Variants in SLC4A8 observed in about 807,000 individuals in gnomAD.
The protein encoded by SLC4A8 is electroneutral sodium bicarbonate exchanger 1.
A neutral mutation model predicts 125.0 loss-of-function variants in SLC4A8; 40 were observed. The ratio of observed to expected loss-of-function variants is 0.32; its 90% CI spans 0.25 to 0.42. The LOEUF is 0.42. SLC4A8 is among the 10% of genes least tolerant of loss of function. The pLI is 1.00. For missense variants in SLC4A8, 863 were observed against 1,355.1 expected, an observed-to-expected ratio of 0.64 and a Z score of 5.70; for synonymous variants, 456 against 476.0, an observed-to-expected ratio of 0.96 and a Z score of 0.55.
At chr12:51,481,835 C>T (rs1951037930) in intron 16 of SLC4A8, among the ~76,000 whole-genome samples, 1 of 151,704 alleles carries the variant, frequency 6.6e-6, no homozygotes, top group Admixed American at 6.6e-5. Flanking sequence ...GATAGTAGTC[C>T]CAGCTACTCA....
intron 1 of SLC4A8, among the ~76,000 whole-genome samples, chr12:51,412,832 G>A (rs1252765868): frequency 1.3e-5 from 2 of 152,180 alleles, no homozygotes; most frequent in Non-Finnish European, 2.9e-5. Context: ...ATCCATTGAT[G>A]GACACTTAGT....
In SLC4A8 at chr12:51,489,915, G is replaced by A; in HGVS notation, c.2664G>A (p.Leu888=). The A allele has an allele frequency of 1.2e-6, 2 of 1,614,206 alleles. No individual in the cohort carries two copies. Among genetic ancestry groups the A allele is most frequent in the Non-Finnish European group, 1.7e-6 (2 of 1,180,036 alleles). ...QRVTGLMIFV[L]MGCSVFMTAI... ...TGACAGGCCTTATGATCTTTGTGCT[G>A]ATGGGCTGCTCAGTCTTCATGACGG... The change falls in exon 19 of 25, where the codon CTG becomes CTA. Residue 888 remains leucine (L), a synonymous_variant. Coordinates refer to ENST00000453097, the MANE Select transcript of SLC4A8 (RefSeq NM_001039960.3).
chr12:51,423,807 G>A (rs1040329567), upstream of SLC4A8, among the ~76,000 whole-genome samples: 3 of 152,044 alleles, frequency 2.0e-5, no homozygotes, highest in African/African-American at 7.2e-5. Flanking sequence ...GCTGAGGCGG[G>A]CAGATCACCT....
chr12:51,491,037 G>A (rs10783447), intron 19 of SLC4A8, among the ~76,000 whole-genome samples: 73,267 of 151,900 alleles, frequency 0.48, 18,014 homozygotes, highest in Non-Finnish European at 0.53. Context: ...ATGTGGAATG[G>A]GGTGAGGAAA....
At chr12:51,501,527 A>G (rs1351688436) in intron 22 of SLC4A8, among the ~76,000 whole-genome samples, 1 of 152,236 alleles carries the variant, frequency 6.6e-6, no homozygotes, top group Non-Finnish European at 1.5e-5. Context: ...TGGTGTATAC[A>G]TACTACAGTT....
chr12:51,408,346 C>T (rs1036261184), intron 1 of SLC4A8, among the ~76,000 whole-genome samples: 2 of 152,072 alleles, frequency 1.3e-5, no homozygotes, highest in African/African-American at 4.8e-5. Flanking sequence ...TCTCATGTCT[C>T]GGCCTCCAGA....
intron 1 of SLC4A8, among the ~76,000 whole-genome samples, chr12:51,439,337 T>TG (rs1287511851): frequency 6.6e-6 from 1 of 152,150 alleles, no homozygotes; most frequent in Non-Finnish European, 1.5e-5. Flanking sequence ...ATTACAGGTG[T>TG]GAGCCACCAT....
intron 5 of SLC4A8, among the ~76,000 whole-genome samples, chr12:51,454,878 C>T (rs1437058795): frequency 7.4e-5 from 1 of 13,426 alleles, no homozygotes; most frequent in South Asian, 1.4e-3. Context: ...TCCCTTCCCA[C>T]GAGGCCATAT....
chr12:51,395,940 C>G (rs1382666718), intron 1 of SLC4A8, among the ~76,000 whole-genome samples: 2 of 152,230 alleles, frequency 1.3e-5, no homozygotes, highest in African/African-American at 4.8e-5. Flanking sequence ...ATTTACTCCT[C>G]ATCTCATTCC....
chr12:51,472,307 T>C (rs1361794478), intron 14 of SLC4A8, among the ~76,000 whole-genome samples: 1 of 152,220 alleles, frequency 6.6e-6, no homozygotes, highest in Non-Finnish European at 1.5e-5. Flanking sequence ...AATGAACAAC[T>C]TCAGTCTGAA....
intron 1 of SLC4A8, chr12:51,403,365 A>G (rs1289390267): frequency 9.0e-5 from 37 of 411,726 alleles, no homozygotes; most frequent in South Asian, 5.2e-4. Context: ...GGCAGGAGCC[A>G]TGACAGCCTG....
At chr12:51,458,305 T>G (rs1474728525) in intron 6 of SLC4A8, among the ~76,000 whole-genome samples, 1 of 152,202 alleles carries the variant, frequency 6.6e-6, no homozygotes, top group African/African-American at 2.4e-5. Flanking sequence ...GATTACTGCC[T>G]TAATAGAGAA....
intron 1 of SLC4A8, among the ~76,000 whole-genome samples, chr12:51,406,077 T>G (rs1438602111): frequency 6.6e-6 from 1 of 152,126 alleles, no homozygotes; most frequent in African/African-American, 2.4e-5. Flanking sequence ...TCCTTGAGAG[T>G]ATCCCAACAG....
At chr12:51,482,483 GAT>G (rs1016159604) in intron 16 of SLC4A8, among the ~76,000 whole-genome samples, 18 of 152,190 alleles carry the variant, frequency 1.2e-4, no homozygotes, top group Non-Finnish European at 2.5e-4. Context: ...GGGTTCAAGT[GAT>G]TCTCCTGCCT....
chr12:51,455,572 T>C (rs1247210943), intron 5 of SLC4A8, among the ~76,000 whole-genome samples: 1 of 152,206 alleles, frequency 6.6e-6, no homozygotes, highest in African/African-American at 2.4e-5. Context: ...GATTGAGTGT[T>C]AAGTTATTAT....
At chr12:51,482,381 G>A (rs533702840) in intron 16 of SLC4A8, among the ~76,000 whole-genome samples, 3 of 151,792 alleles carry the variant, frequency 2.0e-5, no homozygotes, top group Non-Finnish European at 2.9e-5. Context: ...TAGGGGTAAC[G>A]TACTTCTTTG....
At chr12:51,440,856 C>A in intron 2 of SLC4A8, 67 bp downstream of exon 2, 3 of 1,325,826 alleles carry the variant, frequency 2.3e-6, no homozygotes, top group Non-Finnish European at 3.1e-6. Flanking sequence ...GAAGACCTGG[C>A]TCTGTGTCCT....
rs181388152 is a variant in SLC4A8, at chr12:51,490,869, T to G, written c.2700+918T>G. On this transcript the variant is annotated intron_variant, in intron 19 of 24. Transcript: ENST00000453097. Reference sequence around the variant, plus strand: ...GCTAGTTTAAAAAGATCACTCTGGCTGAGGTCTAGGGAAGAATAGAAGCAG... The same window carrying G: ...GCTAGTTTAAAAAGATCACTCTGGCGGAGGTCTAGGGAAGAATAGAAGCAG... Among the ~76,000 whole-genome samples, 197 of 152,244 alleles carry G rather than the reference T, an allele frequency of 1.3e-3. 1 individual carries two copies. Among genetic ancestry groups the G allele is most frequent in the Admixed American group, 8.1e-3 (124 of 15,306 alleles).
At chr12:51,478,206 C>T (rs1252319832) in intron 16 of SLC4A8, among the ~76,000 whole-genome samples, 5 of 149,756 alleles carry the variant, frequency 3.3e-5, no homozygotes, top group East Asian at 2.0e-4. Flanking sequence ...ACCTGAGAGG[C>T]GGAGGTTGCA....
Sources: allele counts gnomAD v4.1 joint callset (sites outside exome capture counted in the v4.1 genomes callset), GRCh38; gene constraint gnomAD v4.1.1; transcripts MANE v1.5; gene names NCBI Gene and HGNC (gene_info 2026-07-23, HGNC 2026-07-21).